GSTO2: variants seen among roughly 807,000 people sequenced by gnomAD.
The protein encoded by GSTO2 is glutathione S-transferase omega-2.
In GSTO2, 23 loss-of-function variants were observed where a neutral mutation model predicts 28.4. The observed-to-expected ratio is 0.81, with a 90% confidence interval of 0.58 to 1.15. The LOEUF (loss-of-function observed/expected upper bound fraction) is 1.15, where lower values mean the gene tolerates loss of function less well. Among genes scored for constraint, GSTO2 ranks in the 50% most tolerant of loss-of-function variants. GSTO2 has a pLI of 0.00. For missense variants in GSTO2, 298 were observed against 297.8 expected (o/e 1.00, Z 0.00); for synonymous variants, 109 against 111.0 (o/e 0.98, Z 0.11).
intron 5 of GSTO2, among the ~76,000 whole-genome samples, chr10:104,279,862 G>A (rs1003764181): frequency 2.0e-5 from 3 of 151,950 alleles, no homozygotes; most frequent in Admixed American, 6.6e-5. Flanking sequence ...TCTTTCTCAC[G>A]TATTATAAGG....
chr10:104,294,348 A>C (rs1399480906), intron 5 of GSTO2, among the ~76,000 whole-genome samples: 2 of 152,108 alleles, frequency 1.3e-5, no homozygotes, highest in African/African-American at 4.8e-5. Context: ...TAAGGGGAAA[A>C]AGTAATTTTA....
At position 104,303,370 on chromosome 10, in the gene GSTO2, C is replaced by G. The variant is rs2013316069; in HGVS notation, c.*4086C>G. 1 of 152,200 alleles carries G rather than the reference C, an allele frequency of 6.6e-6. No homozygotes were observed. Among genetic ancestry groups the G allele is most frequent in the Non-Finnish European group, 1.5e-5 (1 of 68,038 alleles). 9.4% of individuals were successfully genotyped at this position (152,200 alleles called of 1,614,324 possible). The stretch of plus-strand genomic sequence containing the variant: ...TGGAGCAAAGGTCACTTTTGTTATG[C>G]TTTAGCAAAGAACTTGGCTGCATTG... On this transcript the variant is annotated 3_prime_UTR_variant, in exon 7 of 7. Coordinates refer to ENST00000338595, the MANE Select transcript of GSTO2 (RefSeq NM_183239.2).
intron 3 of GSTO2, among the ~76,000 whole-genome samples, chr10:104,277,142 A>T (rs981279573): frequency 6.6e-6 from 1 of 152,060 alleles, no homozygotes; most frequent in Non-Finnish European, 1.5e-5. Context: ...CAAAACTCAT[A>T]CTCTTAATTG....
Position 104,279,798 on chromosome 10 carries a change from G to A in GSTO2, c.468+327G>A, listed in dbSNP as rs544337716. ...AGGTTAGGGGTTGTGTTTGGCTGCT[G>A]AAGTCTAACTACTGTAAATTCATGT... On this transcript the variant is annotated intron_variant, in intron 5 of 6. Coordinates refer to ENST00000338595, the MANE Select transcript of GSTO2 (RefSeq NM_183239.2). 5.3e-5 allele frequency among the ~76,000 whole-genome samples: 8 copies of A among 152,270 alleles called. No homozygotes were observed. In the South Asian group the frequency reaches 8.3e-4, roughly 16 times the overall value.
At chr10:104,279,637 A>G (rs2011898219) in intron 5 of GSTO2, among the ~76,000 whole-genome samples, 166 bp downstream of exon 5, 1 of 152,186 alleles carries the variant, frequency 6.6e-6, no homozygotes, top group Non-Finnish European at 1.5e-5. Flanking sequence ...AACCTGGTCT[A>G]GAATTATTCT....
chr10:104,275,092 A>T (rs1589856153), intron 2 of GSTO2, 134 bp from the exon 3 acceptor site: 1 of 1,511,564 alleles, frequency 6.6e-7, no homozygotes, highest in East Asian at 2.4e-5. Flanking sequence ...AGCCACATGC[A>T]GCACTGCCCT....
At chr10:104,277,785 T>C (rs192055020) in intron 3 of GSTO2, 109 bp from the exon 4 acceptor site, 217 of 685,804 alleles carry the variant, frequency 3.2e-4, no homozygotes, top group Non-Finnish European at 4.9e-4. Context: ...CTTAAAACAC[T>C]AATTGCAAAT....
intron 5 of GSTO2, among the ~76,000 whole-genome samples, chr10:104,283,398 G>T (rs942686842): frequency 6.6e-6 from 1 of 152,302 alleles, no homozygotes; most frequent in Non-Finnish European, 1.5e-5. Context: ...GGCCAAGGAG[G>T]GAGGATCACC....
Position 104,292,719 on chromosome 10 carries a change from G to A in GSTO2, c.469-4859G>A, listed in dbSNP as rs549489915. Among the ~76,000 whole-genome samples the A allele has an allele frequency of 2.1e-4, 32 of 152,264 alleles. No homozygotes were observed. The South Asian group carries it at 5.0e-3, about 24-fold the overall frequency. ...AGTCTGTCCACCTCAGCCTCCCAAAGTGCTGGGATTACAGGCATGAGCCAC... is the reference window on the plus strand; with the variant it reads ...AGTCTGTCCACCTCAGCCTCCCAAAATGCTGGGATTACAGGCATGAGCCAC... On this transcript the variant is annotated intron_variant, in intron 5 of 6. Coordinates refer to ENST00000338595, the MANE Select transcript of GSTO2 (RefSeq NM_183239.2).
intron 5 of GSTO2, among the ~76,000 whole-genome samples, chr10:104,294,742 T>G (rs1312055919): frequency 2.0e-5 from 3 of 152,234 alleles, no homozygotes; most frequent in Non-Finnish European, 2.9e-5. Flanking sequence ...CTTTTTATTG[T>G]GCCGAGTACC....
chr10:104,298,271 A>G (rs1412525154), intron 6 of GSTO2, among the ~76,000 whole-genome samples: 1 of 152,208 alleles, frequency 6.6e-6, no homozygotes, highest in African/African-American at 2.4e-5. Context: ...AGCTCAGTGA[A>G]GCTGGACGTG....
intron 5 of GSTO2, chr10:104,295,531 C>T (rs886555547): frequency 6.6e-6 from 1 of 152,238 alleles, no homozygotes; most frequent in Admixed American, 6.5e-5. Flanking sequence ...CTCATATTTA[C>T]TCAGTGGGGC....
intron 5 of GSTO2, among the ~76,000 whole-genome samples, chr10:104,283,689 C>T (rs1018405990): frequency 6.6e-6 from 1 of 152,090 alleles, no homozygotes; most frequent in African/African-American, 2.4e-5. Context: ...AAAACATGAC[C>T]AATGTACTTG....
intron 3 of GSTO2, among the ~76,000 whole-genome samples, chr10:104,277,429 G>A (rs557708996): frequency 7.9e-5 from 12 of 152,070 alleles, no homozygotes; most frequent in African/African-American, 2.9e-4. Flanking sequence ...GGTTACAGGC[G>A]CCCGCCACCA....
At position 104,301,112 on chromosome 10, in the gene GSTO2, C is replaced by G. The variant is rs546756967; in HGVS notation, c.*1828C>G. On this transcript the variant is annotated 3_prime_UTR_variant, in exon 7 of 7. Coordinates refer to ENST00000338595, the MANE Select transcript of GSTO2 (RefSeq NM_183239.2). Reference sequence around the variant, plus strand: ...TCACCGTTTTCCTGGGATCTTTGCTCCAAGAAGAGGGGAATCTTCTCCTGT... The same window carrying G: ...TCACCGTTTTCCTGGGATCTTTGCTGCAAGAAGAGGGGAATCTTCTCCTGT... 1 of 152,324 alleles carries G rather than the reference C, an allele frequency of 6.6e-6. No homozygotes were observed. Among genetic ancestry groups the G allele is most frequent in the Non-Finnish European group, 1.5e-5 (1 of 68,074 alleles). 9.4% of individuals were successfully genotyped at this position (152,324 alleles called of 1,614,324 possible). A position where few individuals can be genotyped will look rare whatever the true frequency, so the allele number is the denominator to read the frequency against.
intron 5 of GSTO2, among the ~76,000 whole-genome samples, chr10:104,289,983 G>T (rs1214245873): frequency 1.3e-5 from 2 of 152,172 alleles, no homozygotes; most frequent in Non-Finnish European, 2.9e-5. Context: ...CACTGGGGCG[G>T]GAATGTTAAT....
chr10:104,297,187 A>G (rs1339566265), intron 5 of GSTO2: 1 of 155,304 alleles, frequency 6.4e-6, no homozygotes, highest in Non-Finnish European at 1.4e-5. Context: ...GTCTTCAAGT[A>G]ATGGGCAGTG....
Position 104,274,776 on chromosome 10 carries a change from A to C in GSTO2, c.-140A>C. ...CCAGATCGCTTCCCCGTGCCCCGCC[A>C]GAGCCCAGTAGTTCAAAAATTAAAT... On this transcript the variant is annotated 5_prime_UTR_variant, in exon 2 of 7. Coordinates refer to ENST00000338595, the MANE Select transcript of GSTO2 (RefSeq NM_183239.2). The C allele has an allele frequency of 6.8e-6, 7 of 1,024,522 alleles. No homozygotes were observed. The highest frequency in any genetic ancestry group is 1.4e-5 in the South Asian group (1 of 71,390). The allele number at this position is 1,024,522 out of a possible 1,614,324, so 63.5% of individuals were successfully genotyped here. A position where few individuals can be genotyped will look rare whatever the true frequency, so the allele number is the denominator to read the frequency against.
At chr10:104,284,243 C>A (rs2012274482) in intron 5 of GSTO2, among the ~76,000 whole-genome samples, 1 of 151,924 alleles carries the variant, frequency 6.6e-6, no homozygotes. Flanking sequence ...ACCCGTGGTC[C>A]CTGCTACTTG....
Sources: allele counts gnomAD v4.1 joint callset (sites outside exome capture counted in the v4.1 genomes callset), GRCh38; gene constraint gnomAD v4.1.1; transcripts MANE v1.5; gene names NCBI Gene and HGNC (gene_info 2026-07-23, HGNC 2026-07-21).